The following SPTBN1 variants were observed in gnomAD, a reference collection of about 807,000 sequenced individuals.
SPTBN1 encodes spectrin beta chain, non-erythrocytic 1.
SPTBN1 carries 32 observed loss-of-function variants against 266.4 expected under a neutral mutation model. The observed-to-expected ratio is 0.12, with a 90% CI of 0.09 to 0.16. The LOEUF (loss-of-function observed/expected upper bound fraction) is 0.16, where lower values mean the gene tolerates loss of function less well. Ranked by LOEUF, SPTBN1 falls within the 10% of genes least tolerant of loss-of-function variation. SPTBN1 has a pLI of 1.00. For missense variants in SPTBN1, 2,296 were observed against 3,067.1 expected, an observed-to-expected ratio of 0.75 and a Z score of 5.94; for synonymous variants, 1,336 against 1,162.2, an observed-to-expected ratio of 1.15 and a Z score of -3.04.
chr2:54,623,627 T>A, intron 10 of SPTBN1, 31 bp downstream of exon 10: 3 of 1,540,698 alleles, frequency 1.9e-6, no homozygotes, highest in Non-Finnish European at 2.7e-6. Context: ...GCATGGGCCC[T>A]GACCTCCTGG....
rs1679883445 is a variant in SPTBN1, at chr2:54,645,737, G to T, written c.4495-191G>T. 6.6e-6 allele frequency among the ~76,000 whole-genome samples: 1 copy of T among 152,180 alleles called. No homozygotes were observed. Among genetic ancestry groups the T allele is most frequent in the South Asian group, 2.1e-4 (1 of 4,832 alleles). On this transcript the variant is annotated intron_variant, in intron 21 of 35. Coordinates refer to ENST00000356805, the MANE Select transcript of SPTBN1 (RefSeq NM_003128.3). This position sits in a 1 kb window ranked among gnomAD's most constrained non-coding sequence, Gnocchi z 4.3. Reference sequence around the variant, plus strand: ...CAGTGAGTTTGACCTTGAGGATGAGGTAGAGTTGGAAAGACTCTCCCTAGC... The same window carrying T: ...CAGTGAGTTTGACCTTGAGGATGAGTTAGAGTTGGAAAGACTCTCCCTAGC...
In SPTBN1 at chr2:54,467,251, TG is replaced by T. The variant is rs1021099455; in HGVS notation, c.-48+10740del. On this transcript the variant is annotated intron_variant, in intron 1 of 35. Coordinates refer to ENST00000356805, the MANE Select transcript of SPTBN1 (RefSeq NM_003128.3). ...TAGGGATAGGGGATTTTTTTGGGGG[TG>T]GGGGGGCTTTTTTCTCTTTATCTTA... is the stretch of plus-strand genomic sequence containing the variant. 6.3e-5 allele frequency among the ~76,000 whole-genome samples: 9 copies of T among 143,302 alleles called. No individual in the cohort carries two copies. The South Asian group carries it at 1.3e-3, about 21-fold the overall frequency. 94.0% of individuals were successfully genotyped at this position (143,302 alleles called of 152,430 possible). A position where few individuals can be genotyped will look rare whatever the true frequency, so the allele number is the denominator to read the frequency against.
chr2:54,544,248 T>C (rs1341721816), intron 2 of SPTBN1, among the ~76,000 whole-genome samples: 1 of 152,244 alleles, frequency 6.6e-6, no homozygotes, highest in Non-Finnish European at 1.5e-5. Context: ...TGAAAGCTTC[T>C]GATGCCTATC....
At chr2:54,563,211 C>T (rs908513594) in intron 2 of SPTBN1, among the ~76,000 whole-genome samples, 1 of 152,326 alleles carries the variant, frequency 6.6e-6, no homozygotes. Flanking sequence ...GGTTCCCTCT[C>T]CTGCCAACCT....
chr2:54,660,243 C>T, intron 32 of SPTBN1: 6 of 1,376,110 alleles, frequency 4.4e-6, no homozygotes, highest in Non-Finnish European at 5.7e-6. Flanking sequence ...AGTCTCTTAA[C>T]TGATGGATGC....
chr2:54,587,158 AC>A (rs1180140806), intron 2 of SPTBN1, among the ~76,000 whole-genome samples: 1 of 152,118 alleles, frequency 6.6e-6, no homozygotes, highest in Non-Finnish European at 1.5e-5. Flanking sequence ...CTCTCTCAAT[AC>A]CTCTGCTTTA....
At chr2:54,458,568 GCTGTGACTGGGGA>G (rs1693194190) in intron 1 of SPTBN1, among the ~76,000 whole-genome samples, 1 of 152,176 alleles carries the variant, frequency 6.6e-6, no homozygotes, top group Non-Finnish European at 1.5e-5. Flanking sequence ...ATTTTTCACA[GCTGTGACTGGGGA>G]GAGGGTGGAG....
chr2:54,543,249 T>C (rs1436629855), intron 2 of SPTBN1, among the ~76,000 whole-genome samples: 6 of 152,224 alleles, frequency 3.9e-5, no homozygotes, highest in Admixed American at 3.3e-4. Flanking sequence ...TATGGGAATG[T>C]TGCAGGAACT....
chr2:54,457,678 C>T (rs1350947106), intron 1 of SPTBN1, among the ~76,000 whole-genome samples: 1 of 152,180 alleles, frequency 6.6e-6, no homozygotes, highest in Non-Finnish European at 1.5e-5. Context: ...CACGGCCGCT[C>T]GGCGCCTGCG....
Position 54,649,110 on chromosome 2 carries a change from G to C in SPTBN1, c.5122G>C (p.Asp1708His). 6.2e-7 allele frequency: 1 copy of C among 1,614,098 alleles called. No homozygotes were observed. The highest frequency in any genetic ancestry group is 8.5e-7 in the Non-Finnish European group (1 of 1,179,990). Reference sequence around the variant, plus strand: ...GTTATTCCAGCTCAACCGGGAGGTGGACGACCTGGAGCAGTGGATCGCTGA... The same window carrying C: ...GTTATTCCAGCTCAACCGGGAGGTGCACGACCTGGAGCAGTGGATCGCTGA... ...HRLFQLNREV[D>H]DLEQWIAERE... The change falls in exon 25 of 36, where the codon GAC (aspartate) becomes CAC (histidine). Residue 1708 changes from aspartate (D) to histidine (H), a missense_variant. By Grantham distance (81) the Asp-to-His change is moderately conservative (BLOSUM62 -1). This residue lies in a region of SPTBN1 where 644 missense variants were observed against 745.3 expected (regional missense o/e 0.86). Coordinates refer to ENST00000356805, the MANE Select transcript of SPTBN1 (RefSeq NM_003128.3). This position sits in a 1 kb window ranked among gnomAD's most constrained non-coding sequence, Gnocchi z 6.7.
At position 54,646,243 on chromosome 2, in the gene SPTBN1, T is replaced by C; in HGVS notation, c.4634T>C (p.Phe1545Ser). The change falls in exon 23 of 36, where the codon TTT (phenylalanine) becomes TCT (serine). Residue 1545 changes from phenylalanine to serine, a missense_variant. Physicochemically the swap from Phe to Ser is radical, Grantham distance 155. Transcript: ENST00000356805. The surrounding 1 kb of genome is among the most constrained non-coding windows in gnomAD (Gnocchi z 4.4). ...CACCAGCCTCGCATTGACGACATCT[T>C]TGAGAGGAGCCAAAACATCGTCACT... The part of the protein sequence containing the change: ...QGHQPRIDDI[F>S]ERSQNIVTDS... 1 of 1,613,884 alleles carries C rather than the reference T, an allele frequency of 6.2e-7. No homozygotes were observed. The highest frequency in any genetic ancestry group is 8.5e-7 in the Non-Finnish European group (1 of 1,179,896).
chr2:54,646,750 C>T lies in SPTBN1; in HGVS notation c.4866+275C>T, dbSNP rs1679951983. Among the ~76,000 whole-genome samples, 1 of 152,168 alleles carries T rather than the reference C, an allele frequency of 6.6e-6. No homozygotes were observed. Among genetic ancestry groups the T allele is most frequent in the African/African-American group, 2.4e-5 (1 of 41,434 alleles). On this transcript the variant is annotated intron_variant, in intron 23 of 35. Transcript: ENST00000356805. The surrounding 1 kb of genome is among the most constrained non-coding windows in gnomAD (Gnocchi z 4.4). ...CCTTCCTGCTGTCTATTTATAGGTTCCCTAAACTTTACAAAATACAGGATG... is the reference window on the plus strand; with the variant it reads ...CCTTCCTGCTGTCTATTTATAGGTTTCCTAAACTTTACAAAATACAGGATG...
chr2:54,631,746 T>C, intron 16 of SPTBN1, 135 bp downstream of exon 16: 1 of 1,210,170 alleles, frequency 8.3e-7, no homozygotes. Flanking sequence ...CTGATTTTTT[T>C]TTCCCCATAC....
chr2:54,601,245 A>G (rs973717491), intron 3 of SPTBN1, among the ~76,000 whole-genome samples: 14 of 152,298 alleles, frequency 9.2e-5, no homozygotes, highest in South Asian at 8.3e-4. Flanking sequence ...CTTCACAGCC[A>G]TCTTGGATTA....
chr2:54,624,048 T>G (rs144358001), intron 10 of SPTBN1, among the ~76,000 whole-genome samples: 134 of 152,354 alleles, frequency 8.8e-4, no homozygotes, highest in African/African-American at 3.1e-3. Context: ...TTATAGAAAT[T>G]CACAGCAGGC....
intron 1 of SPTBN1, among the ~76,000 whole-genome samples, chr2:54,476,684 T>C (rs1316036006): frequency 6.6e-6 from 1 of 152,262 alleles, no homozygotes; most frequent in East Asian, 1.9e-4. Context: ...CCCTAATTTG[T>C]CTAACTTGTT....
At chr2:54,643,467 A>C (rs1264247228) in intron 19 of SPTBN1, among the ~76,000 whole-genome samples, 2 of 152,188 alleles carry the variant, frequency 1.3e-5, no homozygotes, top group Non-Finnish European at 2.9e-5. Context: ...TTTGTGTTGT[A>C]CTGTGACAGA....
rs1392293475 is a variant in SPTBN1 at position 54,623,565 on chromosome 2, G to T, written c.1151G>T (p.Arg384Leu). ...RANNQKVYMPREGKLISDINK... is the reference protein window; with the variant it reads ...RANNQKVYMPLEGKLISDINK... ...AACAACCAGAAGGTCTACATGCCCC[G>T]GGAGGGGAAGCTCATCTCTGACATC... The change falls in exon 10 of 36, where the codon CGG becomes CTG. Residue 384 changes from arginine (R) to leucine (L), a missense_variant. This residue lies in a region of SPTBN1 where 148 missense variants were observed against 203.8 expected (regional missense o/e 0.73). Coordinates refer to ENST00000356805, the MANE Select transcript of SPTBN1 (RefSeq NM_003128.3). 1 of 1,613,982 alleles carries T rather than the reference G, an allele frequency of 6.2e-7. No individual in the cohort carries two copies. Among genetic ancestry groups the T allele is most frequent in the African/African-American group, 1.3e-5 (1 of 74,924 alleles).
At chr2:54,601,679 G>C (rs1446359479) in intron 3 of SPTBN1, among the ~76,000 whole-genome samples, 1 of 152,172 alleles carries the variant, frequency 6.6e-6, no homozygotes, top group Admixed American at 6.5e-5. Context: ...TTGTCAGCCA[G>C]CATTTTAGCC....
Sources: gnomAD v4.1 joint callset for allele counts (sites outside exome capture counted in the v4.1 genomes callset) on GRCh38, gnomAD v4.1.1 for gene constraint, gnomAD v4.1.1 regional missense constraint, Gnocchi (gnomAD v3.1) non-coding constraint, MANE v1.5 for transcripts, NCBI Gene and HGNC (gene_info 2026-07-23, HGNC 2026-07-21) for gene names.